The following AGBL1 variants were observed in gnomAD, a reference collection of about 807,000 sequenced individuals.
AGBL1 encodes the protein cytosolic carboxypeptidase 4.
A neutral mutation model predicts 118.9 loss-of-function variants in AGBL1; 130 were observed. The observed-to-expected ratio is 1.09, with a 90% CI of 0.95 to 1.26. AGBL1 has a LOEUF of 1.26. Among genes scored for constraint, AGBL1 ranks in the 50% most tolerant of loss-of-function variants. AGBL1 has a pLI of 0.00. For synonymous variants in AGBL1, 555 were observed against 478.9 expected, an observed-to-expected ratio of 1.16 and a Z score of -2.08; for missense variants, 1,584 against 1,298.1, an observed-to-expected ratio of 1.22 and a Z score of -3.38.
chr15:86,895,505 G>T (rs1447469910), intron 22 of AGBL1, among the ~76,000 whole-genome samples: 5 of 151,448 alleles, frequency 3.3e-5, no homozygotes, highest in Non-Finnish European at 5.9e-5. Flanking sequence ...GTTTCTCCAT[G>T]GGAAGATGTA....
chr15:86,610,273 C>A (rs1033385726), intron 21 of AGBL1, among the ~76,000 whole-genome samples: 1 of 144,410 alleles, frequency 6.9e-6, no homozygotes, highest in African/African-American at 2.4e-5. Flanking sequence ...AATGCCAAAC[C>A]TCCAACACAG....
intron 13 of AGBL1, 120 bp from the exon 14 acceptor site, chr15:86,269,799 T>C: frequency 1.7e-6 from 2 of 1,166,704 alleles, no homozygotes; most frequent in Middle Eastern, 2.3e-4. Context: ...ACTTACCAGC[T>C]GGCTGAGATC....
At chr15:86,307,969 G>A (rs2079865797) in intron 17 of AGBL1, among the ~76,000 whole-genome samples, 2 of 151,980 alleles carry the variant, frequency 1.3e-5, no homozygotes, top group Non-Finnish European at 2.9e-5. Context: ...TGAATTCTGT[G>A]CTAAATGGTC....
chr15:86,840,688 C>T (rs539078603), intron 22 of AGBL1, among the ~76,000 whole-genome samples: 1 of 152,232 alleles, frequency 6.6e-6, no homozygotes, highest in South Asian at 2.1e-4. Context: ...GATCCACCCA[C>T]CTCAGCCTCC....
At chr15:86,808,612 TC>T (rs1463127001) in intron 22 of AGBL1, among the ~76,000 whole-genome samples, 1 of 148,998 alleles carries the variant, frequency 6.7e-6, no homozygotes, top group African/African-American at 2.5e-5. Context: ...CTTCTTTCCT[TC>T]CTTCCCTTTC....
In AGBL1 at chr15:86,915,994, C is replaced by CA. The variant is rs1485654675; in HGVS notation, c.*8703dup. On this transcript the variant is annotated 3_prime_UTR_variant, in exon 23 of 23. Coordinates refer to ENST00000614907, the MANE Select transcript of AGBL1 (RefSeq NM_001386094.1). ...TCCAGAAGCAATTTCTTGTTTCCTC[C>CA]AAATGGCCTGTAGAGGTCAGAAAAG... 1.3e-5 allele frequency: 2 copies of CA among 152,144 alleles called. No homozygotes were observed. Among genetic ancestry groups the CA allele is most frequent in the African/African-American group, 4.8e-5 (2 of 41,420 alleles). The allele number at this position is 152,144 out of a possible 1,614,324, so 9.4% of individuals were successfully genotyped here.
chr15:86,468,265 A>T (rs1363766791), intron 18 of AGBL1, among the ~76,000 whole-genome samples: 4 of 152,124 alleles, frequency 2.6e-5, no homozygotes, highest in Non-Finnish European at 5.9e-5. Flanking sequence ...CTGGTCCTAA[A>T]TTGGATCTTT....
chr15:86,556,869 C>G (rs1269752066), intron 21 of AGBL1, among the ~76,000 whole-genome samples: 1 of 152,118 alleles, frequency 6.6e-6, no homozygotes, highest in African/African-American at 2.4e-5. Context: ...TGCAGTTTCT[C>G]TGGTTAATGC....
intron 6 of AGBL1, among the ~76,000 whole-genome samples, chr15:86,231,927 G>A (rs2078462457): frequency 6.6e-6 from 1 of 152,194 alleles, no homozygotes; most frequent in Admixed American, 6.5e-5. Context: ...AAAAGAACAT[G>A]GTCCATGCCT....
chr15:86,894,202 G>A (rs2080090883), intron 22 of AGBL1, among the ~76,000 whole-genome samples: 1 of 152,082 alleles, frequency 6.6e-6, no homozygotes, highest in African/African-American at 2.4e-5. Context: ...CTCTATCAGT[G>A]GAACTACCGT....
intron 18 of AGBL1, among the ~76,000 whole-genome samples, chr15:86,504,370 A>G (rs1351835872): frequency 1.3e-5 from 2 of 151,450 alleles, no homozygotes; most frequent in Non-Finnish European, 3.0e-5. Flanking sequence ...TTCTAATCTC[A>G]ATCTTTAGAT....
intron 23 of AGBL1, among the ~76,000 whole-genome samples, chr15:86,945,244 T>TAAAAAAAA (rs11326362): frequency 2.8e-5 from 2 of 70,786 alleles, no homozygotes; most frequent in Admixed American, 1.8e-4. Context: ...ACCCCATCAC[T>TAAAAAAAA]AAAAAAAAAA....
intron 22 of AGBL1, among the ~76,000 whole-genome samples, chr15:86,677,891 G>A (rs1207023550): frequency 1.3e-5 from 2 of 152,134 alleles, no homozygotes; most frequent in Non-Finnish European, 2.9e-5. Context: ...ATGAAATTAG[G>A]AAGACAGACA....
chr15:86,093,375 G>A (rs1896157285), intron 1 of AGBL1, among the ~76,000 whole-genome samples: 1 of 152,128 alleles, frequency 6.6e-6, no homozygotes, highest in South Asian at 2.1e-4. Context: ...TTAAAAACCA[G>A]GCATTAGAGG....
chr15:87,002,263 G>T (rs1596727524), intron 24 of AGBL1, among the ~76,000 whole-genome samples: 1 of 152,100 alleles, frequency 6.6e-6, no homozygotes, highest in East Asian at 1.9e-4. Flanking sequence ...GTTTTTGTCA[G>T]GTTTGTCAAA....
chr15:86,711,250 A>C (rs1457629826), intron 22 of AGBL1, among the ~76,000 whole-genome samples: 1 of 152,204 alleles, frequency 6.6e-6, no homozygotes, highest in Non-Finnish European at 1.5e-5. Flanking sequence ...TTCTTTGGAA[A>C]CAGGAAACTT....
At chr15:86,379,993 G>A (rs181412738) in intron 17 of AGBL1, among the ~76,000 whole-genome samples, 99 of 152,270 alleles carry the variant, frequency 6.5e-4, no homozygotes, top group African/African-American at 2.3e-3. Flanking sequence ...TCATTTACAT[G>A]CAATCTGTAA....
At chr15:86,179,144 T>C (rs536165996) in intron 5 of AGBL1, among the ~76,000 whole-genome samples, 32 of 152,328 alleles carry the variant, frequency 2.1e-4, no homozygotes, top group South Asian at 2.1e-4. Flanking sequence ...TTCCTTATTT[T>C]GGATCTCCTA....
At chr15:86,461,715 A>G (rs1427612392) in intron 18 of AGBL1, among the ~76,000 whole-genome samples, 2 of 152,196 alleles carry the variant, frequency 1.3e-5, no homozygotes. Flanking sequence ...AACACAAACC[A>G]TCAAATGTGC....
Sources: gnomAD v4.1 joint callset for allele counts (sites outside exome capture counted in the v4.1 genomes callset) on GRCh38, gnomAD v4.1.1 for gene constraint, MANE v1.5 for transcripts, NCBI Gene and HGNC (gene_info 2026-07-23, HGNC 2026-07-21) for gene names.